PPP1R1A: variants seen among roughly 807,000 people sequenced by gnomAD.
The protein encoded by PPP1R1A is protein phosphatase 1 regulatory inhibitor subunit 1A.
PPP1R1A carries 18 observed loss-of-function variants against 23.9 expected under a neutral mutation model. That is an observed-to-expected ratio of 0.75 (90% CI 0.52 to 1.12). The LOEUF (loss-of-function observed/expected upper bound fraction) is 1.12, where lower values mean the gene tolerates loss of function less well. Among genes scored for constraint, PPP1R1A ranks in the 50% most tolerant of loss-of-function variants. PPP1R1A has a pLI of 0.00. For missense variants in PPP1R1A, 207 were observed against 223.8 expected, an observed-to-expected ratio of 0.92 and a Z score of 0.48; for synonymous variants, 84 against 80.7, an observed-to-expected ratio of 1.04 and a Z score of -0.22.
chr12:54,584,447 T>C, intron 1 of PPP1R1A, 127 bp from the exon 2 acceptor site: 1 of 843,400 alleles, frequency 1.2e-6, no homozygotes. Context: ...GCCATGTTAA[T>C]GCAGCTGGAG....
intron 1 of PPP1R1A, among the ~76,000 whole-genome samples, chr12:54,586,450 A>C (rs537802417): frequency 1.2e-4 from 19 of 152,108 alleles, no homozygotes; most frequent in Non-Finnish European, 1.9e-4. Flanking sequence ...TTTCTTTCCA[A>C]AGCAGTCATG....
At chr12:54,588,256 A>T in intron 1 of PPP1R1A, 149 bp downstream of exon 1, 5 of 180,668 alleles carry the variant, frequency 2.8e-5, no homozygotes, top group East Asian at 9.7e-5. Flanking sequence ...GGGACAGAAG[A>T]CCCCCCCCCG....
intron 6 of PPP1R1A, 98 bp downstream of exon 6, chr12:54,580,846 G>T: frequency 9.4e-7 from 1 of 1,063,150 alleles, no homozygotes; most frequent in Non-Finnish European, 1.5e-6. Flanking sequence ...CTGGTTCTTT[G>T]TTTTCCTTTT....
At chr12:54,582,180 T>C (rs1275742441) in intron 4 of PPP1R1A, 49 bp from the exon 5 acceptor site, 2 of 1,554,354 alleles carry the variant, frequency 1.3e-6, no homozygotes, top group East Asian at 2.3e-5. Flanking sequence ...CTGCCTAGCG[T>C]CTCCCCTGTG....
rs1957858115 is a variant in PPP1R1A, at chr12:54,581,826, T to C, written c.403+150A>G. The stretch of plus-strand genomic sequence containing the variant: ...TGAAGATTCAAATATATGCCGAACA[T>C]GCCAACAGATCCATATCCTTGAGAC... On this transcript the variant is annotated intron_variant, in intron 5 of 6. Transcript: ENST00000257905. This position sits in a 1 kb window ranked among gnomAD's most constrained non-coding sequence, Gnocchi z 4.1. 3 of 766,976 alleles carry C rather than the reference T, an allele frequency of 3.9e-6. No individual in the cohort carries two copies. The highest frequency in any genetic ancestry group is 3.6e-5 in the African/African-American group (2 of 55,688). 47.5% of individuals were successfully genotyped at this position (766,976 alleles called of 1,614,324 possible). A position where few individuals can be genotyped will look rare whatever the true frequency, so the allele number is the denominator to read the frequency against.
At position 54,579,996 on chromosome 12, in the gene PPP1R1A, A is replaced by G. The variant is rs1379063179; in HGVS notation, c.*391T>C. 3.0e-6 allele frequency: 3 copies of G among 1,008,340 alleles called. No homozygotes were observed. Among genetic ancestry groups the G allele is most frequent in the East Asian group, 9.8e-5 (1 of 10,250 alleles). The allele number at this position is 1,008,340 out of a possible 1,614,324, so 62.5% of individuals were successfully genotyped here. On this transcript the variant is annotated 3_prime_UTR_variant, in exon 7 of 7. Coordinates refer to ENST00000257905, the MANE Select transcript of PPP1R1A (RefSeq NM_006741.4). ...TGTGAGGTGGTCGGATCGTTCCTCA[A>G]TAAGAAAAGAGAACCTGGGGCTTTT...
chr12:54,583,983 T>C (rs1280665915), intron 2 of PPP1R1A, among the ~76,000 whole-genome samples: 1 of 152,100 alleles, frequency 6.6e-6, no homozygotes, highest in Non-Finnish European at 1.5e-5. Flanking sequence ...GCTGGAGAAA[T>C]CTGGAAGGCT....
At chr12:54,587,470 C>T (rs1592185102) in intron 1 of PPP1R1A, among the ~76,000 whole-genome samples, 1 of 152,144 alleles carries the variant, frequency 6.6e-6, no homozygotes, top group Non-Finnish European at 1.5e-5. Context: ...TAGTAAGGAC[C>T]ACGGGTGGCC....
Position 54,588,654 on chromosome 12 carries a change from G to T in PPP1R1A, c.-166C>A, listed in dbSNP as rs924573101. 3 of 235,374 alleles carry T rather than the reference G, an allele frequency of 1.3e-5. No homozygotes were observed. 14.6% of individuals were successfully genotyped at this position (235,374 alleles called of 1,614,324 possible). Reference sequence around the variant, plus strand: ...AGCGCTCCCAGCTCGCGGCTCCGGGGACTCTGCCGCCGCCGATTGGCTCCG... The same window carrying T: ...AGCGCTCCCAGCTCGCGGCTCCGGGTACTCTGCCGCCGCCGATTGGCTCCG... On this transcript the variant is annotated 5_prime_UTR_variant, in exon 1 of 7. Coordinates refer to ENST00000257905, the MANE Select transcript of PPP1R1A (RefSeq NM_006741.4).
In PPP1R1A at chr12:54,579,337, C is replaced by CAT. The variant is rs3036606; in HGVS notation, c.*1048_*1049dup. On this transcript the variant is annotated 3_prime_UTR_variant, in exon 7 of 7. Transcript: ENST00000257905. Reference sequence around the variant, plus strand: ...AAAATCTGGGTGAGGCGTTCTCCCTCATATATATATATATATATATTTAGG... The same window carrying CAT: ...AAAATCTGGGTGAGGCGTTCTCCCTCATATATATATATATATATATATTTAGG... The CAT allele has an allele frequency of 2.1e-3, 1,657 of 785,180 alleles. 12 individuals are homozygous for CAT. In the African/African-American group the frequency reaches 0.024, roughly 11 times the overall value. The allele number at this position is 785,180 out of a possible 1,614,324, so 48.6% of individuals were successfully genotyped here.
chr12:54,582,881 C>T (rs1174308358), intron 3 of PPP1R1A, 86 bp from the exon 4 acceptor site: 2 of 1,383,098 alleles, frequency 1.4e-6, no homozygotes, highest in Non-Finnish European at 2.0e-6. Context: ...CCATGCCCTC[C>T]AGCCCCCCTT....
intron 1 of PPP1R1A, among the ~76,000 whole-genome samples, chr12:54,586,208 G>C (rs1227557077): frequency 6.6e-6 from 1 of 152,168 alleles, no homozygotes; most frequent in Admixed American, 6.5e-5. Context: ...GGGCTGTCTG[G>C]TCTTGGACAC....
chr12:54,580,758 C>G (rs1460023297), intron 6 of PPP1R1A, 186 bp downstream of exon 6: 1 of 732,038 alleles, frequency 1.4e-6, no homozygotes, highest in Admixed American at 1.9e-5. Flanking sequence ...CTTCTTGCTG[C>G]AGCTATCCAT....
At position 54,581,190 on chromosome 12, in the gene PPP1R1A, A is replaced by G; in HGVS notation, c.404-140T>C. 3.1e-6 allele frequency: 2 copies of G among 637,012 alleles called. No homozygotes were observed. Among genetic ancestry groups the G allele is most frequent in the Non-Finnish European group, 5.6e-6 (2 of 355,516 alleles). 39.5% of individuals were successfully genotyped at this position (637,012 alleles called of 1,614,324 possible). On this transcript the variant is annotated intron_variant, in intron 5 of 6. Coordinates refer to ENST00000257905, the MANE Select transcript of PPP1R1A (RefSeq NM_006741.4). This position sits in a 1 kb window ranked among gnomAD's most constrained non-coding sequence, Gnocchi z 4.1. ...ACCAAGTTGGGTGCAATCAGGCAAG[A>G]CCAACAGGGTTTTCTTTGATCACAA...
At chr12:54,583,119 A>T in intron 3 of PPP1R1A, 92 bp downstream of exon 3, 1 of 1,378,886 alleles carries the variant, frequency 7.3e-7, no homozygotes, top group East Asian at 2.5e-5. Context: ...AGTCAAAAAG[A>T]TCCTAGAGAT....
At position 54,579,866 on chromosome 12, in the gene PPP1R1A, A is replaced by G. The variant is rs1231780534; in HGVS notation, c.*521T>C. On this transcript the variant is annotated 3_prime_UTR_variant, in exon 7 of 7. Coordinates refer to ENST00000257905, the MANE Select transcript of PPP1R1A (RefSeq NM_006741.4). Reference sequence around the variant, plus strand: ...CCCTCTTTCCCATGGGCCAAGTGCCATGGTGCAGTTCCCCTTTTGTCCAGC... The same window carrying G: ...CCCTCTTTCCCATGGGCCAAGTGCCGTGGTGCAGTTCCCCTTTTGTCCAGC... 2 of 985,858 alleles carry G rather than the reference A, an allele frequency of 2.0e-6. No individual in the cohort carries two copies. The highest frequency in any genetic ancestry group is 4.7e-5 in the South Asian group (1 of 21,314). 61.1% of individuals were successfully genotyped at this position (985,858 alleles called of 1,614,324 possible). A position where few individuals can be genotyped will look rare whatever the true frequency, so the allele number is the denominator to read the frequency against.
intron 1 of PPP1R1A, among the ~76,000 whole-genome samples, 156 bp from the exon 2 acceptor site, chr12:54,584,476 C>T (rs146913119): frequency 1.5e-4 from 23 of 152,282 alleles, no homozygotes; most frequent in African/African-American, 4.1e-4. Flanking sequence ...CCTAAGCAAA[C>T]TTATGCAGAA....
chr12:54,580,484 C>A, intron 6 of PPP1R1A, 92 bp from the exon 7 acceptor site: 1 of 1,294,148 alleles, frequency 7.7e-7, no homozygotes, highest in South Asian at 1.2e-5. Flanking sequence ...TTGTCAACAT[C>A]TAATGTCTCA....
intron 3 of PPP1R1A, 73 bp downstream of exon 3, chr12:54,583,138 G>C: frequency 6.9e-7 from 1 of 1,453,338 alleles, no homozygotes; most frequent in South Asian, 1.4e-5. Flanking sequence ...ATGGGCGGCA[G>C]GGTTTTAAGG....
Sources: allele counts gnomAD v4.1 joint callset (sites outside exome capture counted in the v4.1 genomes callset), GRCh38; gene constraint gnomAD v4.1.1; non-coding constraint Gnocchi (gnomAD v3.1); transcripts MANE v1.5; gene names NCBI Gene and HGNC (gene_info 2026-07-23, HGNC 2026-07-21).